The following SLC39A11 variants were observed in gnomAD, a reference collection of about 807,000 sequenced individuals.
SLC39A11 encodes the protein zinc transporter ZIP11.
SLC39A11 carries 33 observed loss-of-function variants against 36.1 expected under a neutral mutation model. The observed-to-expected ratio is 0.91, with a 90% confidence interval of 0.69 to 1.22. SLC39A11 has a LOEUF of 1.22. Among genes scored for constraint, SLC39A11 ranks in the 50% most tolerant of loss-of-function variants. The probability of loss-of-function intolerance (pLI) is 0.00; values close to 1 mark genes in which losing one functional copy is unlikely to be tolerated. For synonymous variants in SLC39A11, 166 were observed against 170.3 expected (o/e 0.97, Z 0.20); for missense variants, 432 against 430.3 (o/e 1.00, Z -0.03).
chr17:72,655,057 G>C (rs752886496), intron 7 of SLC39A11, among the ~76,000 whole-genome samples: 1 of 152,204 alleles, frequency 6.6e-6, no homozygotes, highest in Non-Finnish European at 1.5e-5. Context: ...ATGCCCTCTG[G>C]ATCCTGCCAG....
chr17:72,666,268 C>T (rs771132828), intron 7 of SLC39A11, among the ~76,000 whole-genome samples: 2 of 152,210 alleles, frequency 1.3e-5, no homozygotes, highest in African/African-American at 2.4e-5. Context: ...GTCCATTTTC[C>T]GTGCACATCT....
intron 7 of SLC39A11, among the ~76,000 whole-genome samples, chr17:72,656,436 C>A (rs2070123301): frequency 1.3e-5 from 2 of 152,154 alleles, no homozygotes; most frequent in South Asian, 4.2e-4. Flanking sequence ...AGCAACAAGG[C>A]AGAGATCTCT....
chr17:72,942,137 C>T (rs1315229564), intron 5 of SLC39A11, among the ~76,000 whole-genome samples: 1 of 151,762 alleles, frequency 6.6e-6, no homozygotes, highest in Non-Finnish European at 1.5e-5. Flanking sequence ...CTGAGGTGAT[C>T]CACCTGCCTC....
At chr17:72,812,327 T>A (rs1311771559) in intron 6 of SLC39A11, among the ~76,000 whole-genome samples, 2 of 152,176 alleles carry the variant, frequency 1.3e-5, no homozygotes, top group Non-Finnish European at 2.9e-5. Context: ...CACTGCTGTA[T>A]CCTAGACATT....
chr17:72,697,783 G>A (rs1270355812), intron 7 of SLC39A11, among the ~76,000 whole-genome samples: 2 of 144,980 alleles, frequency 1.4e-5, no homozygotes, highest in African/African-American at 5.2e-5. Flanking sequence ...CTCCATAAAT[G>A]CTCCTATGTC....
Position 73,020,942 on chromosome 17 carries a change from A to C in SLC39A11, c.306+10614T>G, listed in dbSNP as rs140780053. On this transcript the variant is annotated intron_variant, in intron 4 of 9. Transcript: ENST00000255559. Reference sequence around the variant, plus strand: ...GTGATCTACCTGCCTTGGCTTCCCAAAGTGCTGAGATTACAGGCATGAGCC... The same window carrying C: ...GTGATCTACCTGCCTTGGCTTCCCACAGTGCTGAGATTACAGGCATGAGCC... 2.5e-3 allele frequency among the ~76,000 whole-genome samples: 380 copies of C among 151,980 alleles called. 2 individuals are homozygous for C. Among genetic ancestry groups the C allele is most frequent in the African/African-American group, 8.5e-3 (353 of 41,482 alleles).
At chr17:72,813,777 CA>C (rs1455506206) in intron 6 of SLC39A11, among the ~76,000 whole-genome samples, 1 of 152,242 alleles carries the variant, frequency 6.6e-6, no homozygotes, top group African/African-American at 2.4e-5. Flanking sequence ...ATATTACCCT[CA>C]AAAGAGTAAA....
intron 6 of SLC39A11, chr17:72,824,020 A>G (rs1448167273): frequency 1.3e-5 from 2 of 150,656 alleles, no homozygotes; most frequent in East Asian, 3.9e-4. Context: ...GTTGTATTCA[A>G]TTTAAAATAA....
chr17:72,838,416 A>T (rs974150383), intron 6 of SLC39A11, among the ~76,000 whole-genome samples: 7 of 151,864 alleles, frequency 4.6e-5, no homozygotes, highest in Admixed American at 3.9e-4. Flanking sequence ...TTTCGTAGAG[A>T]TGGGGGTCTC....
intron 6 of SLC39A11, among the ~76,000 whole-genome samples, chr17:72,751,931 C>T (rs1420338029): frequency 6.6e-6 from 1 of 152,046 alleles, no homozygotes; most frequent in African/African-American, 2.4e-5. Flanking sequence ...GAACCCAGAT[C>T]CCCATTCCTC....
At chr17:73,028,809 T>TAAAAAAAAAA (rs59124161) in intron 4 of SLC39A11, among the ~76,000 whole-genome samples, 1 of 141,528 alleles carries the variant, frequency 7.1e-6, no homozygotes. Flanking sequence ...CCAAAAGGTT[T>TAAAAAAAAAA]AAAAAAAAAA....
intron 4 of SLC39A11, among the ~76,000 whole-genome samples, chr17:73,002,400 C>A (rs1003833763): frequency 6.6e-6 from 1 of 152,076 alleles, no homozygotes; most frequent in African/African-American, 2.4e-5. Flanking sequence ...CCAGAGCCTG[C>A]GCTACTGGTA....
chr17:72,681,532 T>TC (rs145167185), intron 7 of SLC39A11, among the ~76,000 whole-genome samples: 2,431 of 152,310 alleles, frequency 0.016, 62 homozygotes, highest in African/African-American at 0.055. Context: ...TCTCTTTTGC[T>TC]CCTGCTCTTC....
rs777386726 is a variant in SLC39A11 at position 72,849,620 on chromosome 17, G to A, written c.601+14C>T. The A allele has an allele frequency of 1.4e-5, 20 of 1,465,852 alleles. No homozygotes were observed. Among genetic ancestry groups the A allele is most frequent in the Admixed American group, 1.2e-4 (5 of 40,822 alleles). The allele number at this position is 1,465,852 out of a possible 1,614,324, so 90.8% of individuals were successfully genotyped here. On this transcript the variant is annotated intron_variant, in intron 6 of 9. Transcript: ENST00000255559. ...TTCAGGCAGTGGCTGTCACGCTCAC[G>A]GGCAAGACCTCACCTGGAACGTTGT... is the stretch of plus-strand genomic sequence containing the variant.
intron 4 of SLC39A11, among the ~76,000 whole-genome samples, chr17:72,983,921 C>G (rs2088520892): frequency 2.0e-5 from 3 of 152,164 alleles, no homozygotes; most frequent in Admixed American, 1.3e-4. Flanking sequence ...TCTGTGAAAT[C>G]CCCAGATGGA....
At chr17:72,830,884 T>C (rs2078256981) in intron 6 of SLC39A11, among the ~76,000 whole-genome samples, 1 of 152,104 alleles carries the variant, frequency 6.6e-6, no homozygotes. Flanking sequence ...GTCTATCAGG[T>C]GACTTCTCCC....
chr17:73,088,556 G>A (rs1473468004), intron 2 of SLC39A11, 101 bp downstream of exon 2: 1 of 858,084 alleles, frequency 1.2e-6, no homozygotes. Flanking sequence ...GGTGTGGCCA[G>A]GGGCACTGAA....
intron 4 of SLC39A11, among the ~76,000 whole-genome samples, chr17:73,017,312 G>A (rs767371155): frequency 9.9e-5 from 15 of 152,152 alleles, no homozygotes; most frequent in Non-Finnish European, 1.9e-4. Flanking sequence ...CTAGCCAGAC[G>A]GAAAACATGC....
At chr17:72,942,391 A>G (rs2085165511) in intron 5 of SLC39A11, among the ~76,000 whole-genome samples, 1 of 152,214 alleles carries the variant, frequency 6.6e-6, no homozygotes, top group Non-Finnish European at 1.5e-5. Context: ...AATTATATCT[A>G]CATGAACTGT....
Sources: gnomAD v4.1 joint callset for allele counts (sites outside exome capture counted in the v4.1 genomes callset) on GRCh38, gnomAD v4.1.1 for gene constraint, MANE v1.5 for transcripts, NCBI Gene and HGNC (gene_info 2026-07-23, HGNC 2026-07-21) for gene names.